TMC3: variants seen among roughly 807,000 people sequenced by gnomAD.
TMC3 encodes transmembrane channel like 3.
A neutral mutation model predicts 110.6 loss-of-function variants in TMC3; 98 were observed. The ratio of observed to expected loss-of-function variants is 0.89; its 90% CI spans 0.75 to 1.05. The LOEUF (loss-of-function observed/expected upper bound fraction) is 1.05, where lower values mean the gene tolerates loss of function less well. Among genes scored for constraint, TMC3 ranks in the 50% least tolerant of loss-of-function variants. The pLI is 0.00. For missense variants in TMC3, 1,319 were observed against 1,373.2 expected, an observed-to-expected ratio of 0.96 and a Z score of 0.62; for synonymous variants, 489 against 513.1, an observed-to-expected ratio of 0.95 and a Z score of 0.63.
chr15:81,332,998 A>G lies in TMC3; in HGVS notation c.2724T>C (p.His908=). 6.2e-7 allele frequency: 1 copy of G among 1,613,766 alleles called. No individual in the cohort carries two copies. The highest frequency in any genetic ancestry group is 8.5e-7 in the Non-Finnish European group (1 of 1,179,788). Residue 908 remains histidine, a synonymous_variant, in exon 22 of 22, where the codon CAT becomes CAC. Coordinates refer to ENST00000359440, the MANE Select transcript of TMC3 (RefSeq NM_001080532.3). The part of the protein sequence containing the change: ...KKHLNVWPER[H]FKIDASGDIV... ...TGTCACCTGAAGCATCTATCTTGAAATGTCTTTCTGGCCAGACATTTAGAT... is the reference window on the plus strand; with the variant it reads ...TGTCACCTGAAGCATCTATCTTGAAGTGTCTTTCTGGCCAGACATTTAGAT...
chr15:81,349,202 C>G (rs925735742), intron 11 of TMC3, among the ~76,000 whole-genome samples: 2 of 151,958 alleles, frequency 1.3e-5, no homozygotes, highest in African/African-American at 4.8e-5. Flanking sequence ...TCCTCCTCTT[C>G]TTCCTCTTCT....
chr15:81,342,831 G>A (rs1398092854), intron 15 of TMC3: 1 of 153,862 alleles, frequency 6.5e-6, no homozygotes, highest in East Asian at 1.9e-4. Flanking sequence ...CCCCAAGGGT[G>A]GGGAGCAGTC....
intron 20 of TMC3, chr15:81,335,848 C>T (rs544583937): frequency 6.6e-5 from 10 of 152,384 alleles, no homozygotes; most frequent in East Asian, 1.9e-4. Flanking sequence ...CAGACTTCTA[C>T]GCCACATGCT....
At chr15:81,349,882 T>G (rs1403753616) in intron 10 of TMC3, among the ~76,000 whole-genome samples, 2 of 148,222 alleles carry the variant, frequency 1.3e-5, no homozygotes, top group Non-Finnish European at 3.0e-5. Flanking sequence ...GGGAGGCTTG[T>G]GAGGCCCAGG....
At chr15:81,359,703 A>G (rs537367607) in intron 4 of TMC3, among the ~76,000 whole-genome samples, 1 of 152,340 alleles carries the variant, frequency 6.6e-6, no homozygotes, top group East Asian at 1.9e-4. Context: ...CTAAAATGCT[A>G]TTTGATAGTC....
chr15:81,339,496 T>C lies in TMC3; in HGVS notation c.1853A>G (p.Asn618Ser), dbSNP rs750284157. 16 of 1,597,750 alleles carry C rather than the reference T, an allele frequency of 1.0e-5. No individual in the cohort carries two copies. The highest frequency in any genetic ancestry group is 1.7e-4 in the Middle Eastern group (1 of 6,050). The change falls in exon 17 of 22, where the codon AAC (asparagine) becomes AGC (serine). Residue 618 changes from asparagine to serine, a missense_variant. By Grantham distance (46) the Asn-to-Ser change is conservative. Coordinates refer to ENST00000359440, the MANE Select transcript of TMC3 (RefSeq NM_001080532.3). The stretch of plus-strand genomic sequence containing the variant: ...AAACAGGAGCATTGCCAAGTAGAAG[T>C]TGTTGGATCTGCAGATAAATCAGAT... ...QQVFRASRSN[N>S]FYLAMLLFML...
rs938593744 is a variant in TMC3 at position 81,343,203 on chromosome 15, C to T, written c.1715+75G>A. On this transcript the variant is annotated intron_variant, in intron 15 of 21. Transcript: ENST00000359440. The stretch of plus-strand genomic sequence containing the variant: ...ATGTAACTGTGTTATGGTCGTGTCC[C>T]ATCTAGACTAAGTAAATTAAAATCT... 1.3e-5 allele frequency: 12 copies of T among 891,154 alleles called. No homozygotes were observed. In the Admixed American group the frequency reaches 2.1e-4, roughly 16 times the overall value. The allele number at this position is 891,154 out of a possible 1,614,324, so 55.2% of individuals were successfully genotyped here.
At chr15:81,368,665 C>T (rs1294708175) in intron 2 of TMC3, among the ~76,000 whole-genome samples, 2 of 152,274 alleles carry the variant, frequency 1.3e-5, no homozygotes, top group Admixed American at 6.5e-5. Context: ...GTGGCAGACA[C>T]GTGCATCTCG....
At chr15:81,346,553 T>G (rs1596083931) in intron 11 of TMC3, 110 bp from the exon 12 acceptor site, 1 of 1,052,118 alleles carries the variant, frequency 9.5e-7, no homozygotes, top group East Asian at 2.6e-5. Context: ...AGGCAGTGGC[T>G]GCCACACTTG....
At chr15:81,357,609 G>A (rs529753331) in intron 7 of TMC3, among the ~76,000 whole-genome samples, 21 of 152,252 alleles carry the variant, frequency 1.4e-4, no homozygotes, top group South Asian at 8.3e-4. Context: ...ACCAGATTGC[G>A]TCTTTTGCAT....
intron 19 of TMC3, among the ~76,000 whole-genome samples, chr15:81,337,490 A>G (rs1305956503): frequency 1.3e-5 from 2 of 152,156 alleles, no homozygotes; most frequent in Non-Finnish European, 2.9e-5. Flanking sequence ...GTTGACAAGG[A>G]TTGGGAAGGG....
intron 11 of TMC3, among the ~76,000 whole-genome samples, chr15:81,347,085 T>C (rs1893843350): frequency 6.6e-6 from 1 of 152,126 alleles, no homozygotes; most frequent in South Asian, 2.1e-4. Context: ...TTGATGTCAG[T>C]TTCCCTAGTG....
chr15:81,339,543 A>G, intron 16 of TMC3, 39 bp from the exon 17 acceptor site: 1 of 1,496,932 alleles, frequency 6.7e-7, no homozygotes. Flanking sequence ...AGTTCACTCC[A>G]TAGCCAGTTG....
intron 2 of TMC3, among the ~76,000 whole-genome samples, chr15:81,370,157 G>A (rs1047533494): frequency 6.6e-6 from 1 of 152,134 alleles, no homozygotes; most frequent in African/African-American, 2.4e-5. Flanking sequence ...TCCTACAGGG[G>A]AAACAAGCAT....
intron 12 of TMC3, 120 bp from the exon 13 acceptor site, chr15:81,345,131 A>G (rs1401541460): frequency 1.4e-6 from 2 of 1,446,514 alleles, no homozygotes; most frequent in Non-Finnish European, 1.8e-6. Context: ...CTTGGGAGTA[A>G]TCATTCATCC....
chr15:81,339,454 A>G lies in TMC3; in HGVS notation c.1895T>C (p.Met632Thr), dbSNP rs1049048307. ...AMLLFMLFLCMLPTIFAIVRY... is the reference protein window; with the variant it reads ...AMLLFMLFLCTLPTIFAIVRY... ...GACAATAGCAAAAATGGTTGGCAGC[A>G]TGCACAGAAACAGCATAAACAGGAG... Residue 632 changes from methionine (M) to threonine (T), a missense_variant, in exon 17 of 22, where the codon ATG becomes ACG. Transcript: ENST00000359440. 6 of 1,610,362 alleles carry G rather than the reference A, an allele frequency of 3.7e-6. No individual in the cohort carries two copies. Among genetic ancestry groups the G allele is most frequent in the African/African-American group, 1.3e-5 (1 of 74,924 alleles).
At position 81,358,290 on chromosome 15, in the gene TMC3, C is replaced by A; in HGVS notation, c.602G>T (p.Gly201Val). The A allele has an allele frequency of 6.2e-7, 1 of 1,604,074 alleles. No individual in the cohort carries two copies. The highest frequency in any genetic ancestry group is 8.5e-7 in the Non-Finnish European group (1 of 1,174,998). Residue 201 changes from glycine (G) to valine (V), a missense_variant and splice_region_variant, in exon 7 of 22, where the codon GGC becomes GTC. Transcript: ENST00000359440. Reference protein sequence around the residue: ...QDLDTVWSLGGYLQYSVLFYG... With the variant: ...QDLDTVWSLGVYLQYSVLFYG... ...GAAGAGGACAGAGTACTGGAGGTAG[C>A]CCTGCAAAGAAAACACTCAGTGTCA...
chr15:81,333,136 T>G lies in TMC3; in HGVS notation c.2586A>C (p.Gln862His). ...SEPLFRKDFQ[Q>H]INPPHRGPQA... is the part of the protein sequence containing the mutation. Reference sequence around the variant, plus strand: ...GTGGTCCACGGTGAGGAGGGTTGATTTGCTGAAAGTCTTTTCGGAAAAGAG... The same window carrying G: ...GTGGTCCACGGTGAGGAGGGTTGATGTGCTGAAAGTCTTTTCGGAAAAGAG... Residue 862 changes from glutamine (Q) to histidine (H), a missense_variant, in exon 22 of 22, where the codon CAA (glutamine) becomes CAC (histidine). Coordinates refer to ENST00000359440, the MANE Select transcript of TMC3 (RefSeq NM_001080532.3). The G allele has an allele frequency of 1.2e-6, 2 of 1,614,030 alleles. No individual in the cohort carries two copies. Among genetic ancestry groups the G allele is most frequent in the Non-Finnish European group, 1.7e-6 (2 of 1,179,898 alleles).
intron 14 of TMC3, 94 bp downstream of exon 14, chr15:81,343,823 C>T: frequency 7.2e-7 from 1 of 1,391,398 alleles, no homozygotes; most frequent in Non-Finnish European, 9.8e-7. Flanking sequence ...CCGTGTGTCC[C>T]CCTCAACTAT....
Sources: allele counts gnomAD v4.1 joint callset (sites outside exome capture counted in the v4.1 genomes callset), GRCh38; gene constraint gnomAD v4.1.1; transcripts MANE v1.5; gene names NCBI Gene and HGNC (gene_info 2026-07-23, HGNC 2026-07-21).